Variants in MTF1 observed in about 807,000 individuals in gnomAD.
MTF1 encodes the protein metal regulatory transcription factor 1, also known as MRE-binding transcription factor.
In MTF1, 22 loss-of-function variants were observed where a neutral mutation model predicts 70.4. That is an observed-to-expected ratio of 0.31 (90% CI 0.22 to 0.45). MTF1 has a LOEUF of 0.45. MTF1 is among the 20% of genes least tolerant of loss of function. The pLI is 1.00. For missense variants in MTF1, 649 were observed against 922.0 expected (o/e 0.70, Z 3.83); for synonymous variants, 333 against 352.8 (o/e 0.94, Z 0.63).
At position 37,815,637 on chromosome 1, in the gene MTF1, T is replaced by G; in HGVS notation, c.1832-71A>C. On this transcript the variant is annotated intron_variant, in intron 10 of 10. Transcript: ENST00000373036. This position sits in a 1 kb window ranked among gnomAD's most constrained non-coding sequence, Gnocchi z 4.5. ...CAGGAGCATGAGGGACAGGGATACA[T>G]GGACTAGGTGAGAGCAGAGTGCCAT... is the stretch of plus-strand genomic sequence containing the variant. 8.1e-7 allele frequency: 1 copy of G among 1,232,422 alleles called. No homozygotes were observed. The highest frequency in any genetic ancestry group is 1.1e-6 in the Non-Finnish European group (1 of 880,172). The allele number at this position is 1,232,422 out of a possible 1,614,324, so 76.3% of individuals were successfully genotyped here.
chr1:37,836,652 G>C (rs1263678716), intron 4 of MTF1, among the ~76,000 whole-genome samples: 2 of 152,084 alleles, frequency 1.3e-5, no homozygotes, highest in Non-Finnish European at 2.9e-5. Flanking sequence ...TGCTCTCCTA[G>C]AGTGTAAACT....
chr1:37,839,402 A>G (rs1250473973), intron 3 of MTF1, among the ~76,000 whole-genome samples: 1 of 152,194 alleles, frequency 6.6e-6, no homozygotes, highest in East Asian at 1.9e-4. Flanking sequence ...TGCCTAGCAC[A>G]CAGTGAGTAT....
At chr1:37,834,375 T>C (rs933374138) in intron 6 of MTF1, among the ~76,000 whole-genome samples, 2 of 88,108 alleles carry the variant, frequency 2.3e-5, no homozygotes, top group African/African-American at 4.5e-5. Flanking sequence ...ATGCCTGTAA[T>C]CCCAGCACTT....
intron 2 of MTF1, among the ~76,000 whole-genome samples, chr1:37,854,382 G>C (rs556112528): frequency 1.3e-5 from 2 of 152,294 alleles, no homozygotes; most frequent in East Asian, 3.9e-4. Context: ...CTGCATACAT[G>C]AGAATAATCT....
chr1:37,840,291 C>G lies in MTF1; in HGVS notation c.409-133G>C. On this transcript the variant is annotated intron_variant, in intron 2 of 10. Transcript: ENST00000373036. This position sits in a 1 kb window ranked among gnomAD's most constrained non-coding sequence, Gnocchi z 4.5. ...TTTTCATCATAAACACAGAAAACAG[C>G]CTCTAGCAGCAAAGTGGAAAAACCT... The G allele has an allele frequency of 2.7e-6, 2 of 735,248 alleles. No individual in the cohort carries two copies. The highest frequency in any genetic ancestry group is 3.5e-5 in the South Asian group (2 of 57,544). The allele number at this position is 735,248 out of a possible 1,614,324, so 45.5% of individuals were successfully genotyped here. A position where few individuals can be genotyped will look rare whatever the true frequency, so the allele number is the denominator to read the frequency against.
rs763250613 is a variant in MTF1, at chr1:37,822,622, T to G, written c.1266A>C (p.Val422=). The G allele has an allele frequency of 2.0e-5, 33 of 1,613,746 alleles. No individual in the cohort carries two copies. The South Asian group carries it at 3.4e-4, about 17-fold the overall frequency. The change falls in exon 9 of 11, where the codon GTA becomes GTC. Residue 422 remains valine, a synonymous_variant. Coordinates refer to ENST00000373036, the MANE Select transcript of MTF1 (RefSeq NM_005955.3). ...GTGGCTCGGAGAGGCCAGGTTGCAG[T>G]ACAAGTGGAAGAGATAAAGATGCTG... is the stretch of plus-strand genomic sequence containing the variant. ...GNSASLSLPL[V]LQPGLSEPPQ...
At chr1:37,854,788 G>A (rs1044419930) in intron 2 of MTF1, among the ~76,000 whole-genome samples, 1 of 152,170 alleles carries the variant, frequency 6.6e-6, no homozygotes, top group African/African-American at 2.4e-5. Flanking sequence ...GGCCGGGCGC[G>A]GTGGCTCATG....
intron 6 of MTF1, among the ~76,000 whole-genome samples, chr1:37,834,153 CAGTG>C (rs1641128776): frequency 6.6e-6 from 1 of 152,088 alleles, no homozygotes; most frequent in Non-Finnish European, 1.5e-5. Context: ...GTGGAGGTCA[CAGTG>C]AGCAGAGATT....
chr1:37,820,278 T>C (rs1416926291), intron 9 of MTF1, among the ~76,000 whole-genome samples: 1 of 152,242 alleles, frequency 6.6e-6, no homozygotes, highest in African/African-American at 2.4e-5. Flanking sequence ...TCCAACTTAG[T>C]ACATCCTTTT....
intron 7 of MTF1, among the ~76,000 whole-genome samples, chr1:37,825,325 C>T (rs1557588879): frequency 6.6e-6 from 1 of 152,168 alleles, no homozygotes; most frequent in Non-Finnish European, 1.5e-5. Context: ...CAGCCTTCAA[C>T]TCCCGGGCTC....
intron 2 of MTF1, among the ~76,000 whole-genome samples, chr1:37,852,430 C>T (rs1200679220): frequency 2.0e-5 from 3 of 152,156 alleles, no homozygotes; most frequent in Admixed American, 2.0e-4. Flanking sequence ...TTGGAGGGTG[C>T]GGAGAGCAGA....
At chr1:37,817,664 T>A (rs1357756234) in intron 9 of MTF1, among the ~76,000 whole-genome samples, 182 bp from the exon 10 acceptor site, 1 of 152,222 alleles carries the variant, frequency 6.6e-6, no homozygotes, top group Non-Finnish European at 1.5e-5. Flanking sequence ...CTGTTTGACA[T>A]TCAGTGCTGA....
chr1:37,849,080 C>T (rs1641375644), intron 2 of MTF1, among the ~76,000 whole-genome samples: 1 of 152,188 alleles, frequency 6.6e-6, no homozygotes, highest in South Asian at 2.1e-4. Context: ...ATGCCACTGG[C>T]CATGCAATTA....
In MTF1 at chr1:37,839,926, A is replaced by G. The variant is rs1641231316; in HGVS notation, c.641T>C (p.Leu214Pro). 6.2e-7 allele frequency: 1 copy of G among 1,613,536 alleles called. No homozygotes were observed. Among genetic ancestry groups the G allele is most frequent in the Admixed American group, 1.7e-5 (1 of 60,008 alleles). The change falls in exon 3 of 11, where the codon CTG (leucine) becomes CCG (proline). Residue 214 changes from leucine to proline, a missense_variant. By Grantham distance (98) the Leu-to-Pro change is moderately conservative (BLOSUM62 -3). Transcript: ENST00000373036. Reference sequence around the variant, plus strand: ...CATTGGAGACGAGACTGACCTGTACAGTGTGTTGAATGCCTTCTCACAGCC... The same window carrying G: ...CATTGGAGACGAGACTGACCTGTACGGTGTGTTGAATGCCTTCTCACAGCC... ...VQGCEKAFNT[L>P]YRLKAHQRLH... is the part of the protein sequence containing the mutation.
chr1:37,836,622 C>G (rs988904869), intron 4 of MTF1, among the ~76,000 whole-genome samples: 28 of 152,304 alleles, frequency 1.8e-4, no homozygotes, highest in Non-Finnish European at 3.4e-4. Context: ...CTTATTTTCT[C>G]TGTGGATACA....
Position 37,839,902 on chromosome 1 carries a change from A to G in MTF1, c.647+18T>C, listed in dbSNP as rs1395641833. The G allele has an allele frequency of 2.5e-6, 4 of 1,593,526 alleles. No individual in the cohort carries two copies. Among genetic ancestry groups the G allele is most frequent in the Middle Eastern group, 1.7e-4 (1 of 5,856 alleles). On this transcript the variant is annotated intron_variant, in intron 3 of 10. Transcript: ENST00000373036. Reference sequence around the variant, plus strand: ...GGTCAAGGTCAGAGGCTGGCAGAGCATTGGAGACGAGACTGACCTGTACAG... The same window carrying G: ...GGTCAAGGTCAGAGGCTGGCAGAGCGTTGGAGACGAGACTGACCTGTACAG...
chr1:37,834,589 T>C, intron 6 of MTF1: 1 of 455,578 alleles, frequency 2.2e-6, no homozygotes, highest in Non-Finnish European at 4.4e-6. Flanking sequence ...CAGTCTATTG[T>C]GGAGTGGACA....
chr1:37,827,609 G>A (rs528370709), intron 7 of MTF1, among the ~76,000 whole-genome samples: 1 of 151,590 alleles, frequency 6.6e-6, no homozygotes, highest in Non-Finnish European at 1.5e-5. Flanking sequence ...TGATCCACCC[G>A]CCTCGGCCTC....
At chr1:37,817,379 C>G in intron 10 of MTF1, 40 bp downstream of exon 10, 2 of 1,290,084 alleles carry the variant, frequency 1.6e-6, no homozygotes, top group Non-Finnish European at 2.3e-6. Flanking sequence ...AAGGGACCCA[C>G]AGAGTTGCCT....
Sources: allele counts gnomAD v4.1 joint callset (sites outside exome capture counted in the v4.1 genomes callset), GRCh38; gene constraint gnomAD v4.1.1; non-coding constraint Gnocchi (gnomAD v3.1); transcripts MANE v1.5; gene names NCBI Gene and HGNC (gene_info 2026-07-23, HGNC 2026-07-21).